MACROD2: variants seen among roughly 807,000 people sequenced by gnomAD.
MACROD2 encodes ADP-ribose glycohydrolase MACROD2.
MACROD2 carries 36 observed loss-of-function variants against 70.4 expected under a neutral mutation model. That is an observed-to-expected ratio of 0.51 (90% CI 0.39 to 0.68). The LOEUF (loss-of-function observed/expected upper bound fraction) is 0.68. MACROD2 is among the 30% of genes least tolerant of loss of function. The pLI is 0.00. For synonymous variants in MACROD2, 172 were observed against 178.8 expected, an observed-to-expected ratio of 0.96 and a Z score of 0.30; for missense variants, 496 against 538.4, an observed-to-expected ratio of 0.92 and a Z score of 0.78.
intron 8 of MACROD2, among the ~76,000 whole-genome samples, chr20:15,749,687 G>A (rs1265498526): frequency 6.6e-6 from 1 of 152,044 alleles, no homozygotes; most frequent in Non-Finnish European, 1.5e-5. Context: ...AGGAAAATCA[G>A]CTGTTACCTG....
chr20:14,781,016 A>G (rs561691239), intron 5 of MACROD2, among the ~76,000 whole-genome samples: 2 of 152,294 alleles, frequency 1.3e-5, no homozygotes, highest in Admixed American at 6.5e-5. Flanking sequence ...TAGCATATCT[A>G]TCACTTCAAA....
chr20:15,399,633 C>T (rs932353011), intron 6 of MACROD2, among the ~76,000 whole-genome samples: 1 of 152,222 alleles, frequency 6.6e-6, no homozygotes, highest in Non-Finnish European at 1.5e-5. Context: ...AATGATGGCA[C>T]TCTTCTTTCT....
intron 3 of MACROD2, among the ~76,000 whole-genome samples, chr20:14,220,490 C>A (rs1486558677): frequency 2.6e-5 from 4 of 152,168 alleles, no homozygotes; most frequent in Non-Finnish European, 5.9e-5. Context: ...CTTGGTTCTT[C>A]CCCTGCCTGT....
intron 5 of MACROD2, among the ~76,000 whole-genome samples, chr20:15,044,285 C>T (rs978156944): frequency 6.6e-6 from 1 of 152,174 alleles, no homozygotes; most frequent in Admixed American, 6.5e-5. Flanking sequence ...TCTTCTTACT[C>T]CTATCACTCA....
intron 5 of MACROD2, among the ~76,000 whole-genome samples, chr20:15,072,908 TG>T (rs1253595318): frequency 1.3e-5 from 2 of 152,106 alleles, no homozygotes; most frequent in East Asian, 3.9e-4. Flanking sequence ...AAAAGGTGTT[TG>T]GGTCATGGGG....
chr20:14,096,876 A>T (rs2054234702), intron 3 of MACROD2, among the ~76,000 whole-genome samples: 1 of 152,250 alleles, frequency 6.6e-6, no homozygotes, highest in Admixed American at 6.5e-5. Context: ...AACTTTGCCC[A>T]TGGGAAGTTT....
At chr20:15,178,853 A>G (rs996114299) in intron 5 of MACROD2, among the ~76,000 whole-genome samples, 1 of 152,228 alleles carries the variant, frequency 6.6e-6, no homozygotes, top group African/African-American at 2.4e-5. Flanking sequence ...ATGCTTTTCC[A>G]TGGCTCTCTA....
At chr20:15,516,578 A>G (rs1186923434) in intron 8 of MACROD2, among the ~76,000 whole-genome samples, 3 of 151,772 alleles carry the variant, frequency 2.0e-5, no homozygotes, top group Non-Finnish European at 4.4e-5. Context: ...GTCAAGGAAG[A>G]CTCTGGGTGC....
chr20:15,147,779 G>A (rs2076241332), intron 5 of MACROD2, among the ~76,000 whole-genome samples: 1 of 152,074 alleles, frequency 6.6e-6, no homozygotes, highest in East Asian at 1.9e-4. Flanking sequence ...CAGGCGGGCT[G>A]AGTCTGAAAA....
chr20:14,454,307 A>G (rs1016378286), intron 3 of MACROD2, among the ~76,000 whole-genome samples: 1 of 151,814 alleles, frequency 6.6e-6, no homozygotes, highest in African/African-American at 2.4e-5. Flanking sequence ...CATAGTAAAT[A>G]TATTACTCCT....
intron 8 of MACROD2, among the ~76,000 whole-genome samples, chr20:15,529,497 G>T (rs2047767503): frequency 1.3e-5 from 2 of 151,916 alleles, no homozygotes; most frequent in Non-Finnish European, 2.9e-5. Context: ...TCTATGTAAA[G>T]ATCTTCCTTT....
At chr20:15,772,099 AAAATATAT>A (rs1248931911) in intron 8 of MACROD2, among the ~76,000 whole-genome samples, 7 of 91,306 alleles carry the variant, frequency 7.7e-5, no homozygotes, top group African/African-American at 3.9e-4. Context: ...AAAAAAAAAA[AAAATATAT>A]ATATATATAT....
chr20:15,718,460 G>T (rs1161585921), intron 8 of MACROD2, among the ~76,000 whole-genome samples: 1 of 152,222 alleles, frequency 6.6e-6, no homozygotes, highest in East Asian at 1.9e-4. Context: ...CCGAGGACAT[G>T]AAGTTATTTT....
intron 10 of MACROD2, among the ~76,000 whole-genome samples, chr20:15,888,444 C>A (rs2064848644): frequency 6.6e-6 from 1 of 152,104 alleles, no homozygotes; most frequent in East Asian, 1.9e-4. Flanking sequence ...GTATAAGGGC[C>A]TTATCTCGCC....
At chr20:14,248,792 T>C (rs1259129870) in intron 3 of MACROD2, among the ~76,000 whole-genome samples, 1 of 152,126 alleles carries the variant, frequency 6.6e-6, no homozygotes, top group Non-Finnish European at 1.5e-5. Flanking sequence ...ACCTAAGGGA[T>C]ACTCAACCCA....
chr20:15,284,570 T>C (rs976381240), intron 6 of MACROD2, among the ~76,000 whole-genome samples: 8 of 152,212 alleles, frequency 5.3e-5, no homozygotes, highest in Admixed American at 2.6e-4. Context: ...AATGTCATCT[T>C]TTCCCCTGTG....
At chr20:15,479,417 C>T (rs60578207) in intron 7 of MACROD2, among the ~76,000 whole-genome samples, 16,639 of 149,958 alleles carry the variant, frequency 0.11, 1,388 homozygotes, top group East Asian at 0.24. Context: ...GGACTACAGG[C>T]GCCCGCCACT....
At chr20:15,589,164 A>G (rs1489409612) in intron 8 of MACROD2, among the ~76,000 whole-genome samples, 3 of 152,164 alleles carry the variant, frequency 2.0e-5, no homozygotes, top group Non-Finnish European at 4.4e-5. Context: ...AGAAACCCCT[A>G]ATAAAACCAT....
chr20:14,921,622 G>A (rs927524586), intron 5 of MACROD2, among the ~76,000 whole-genome samples: 12 of 152,178 alleles, frequency 7.9e-5, no homozygotes, highest in Non-Finnish European at 1.5e-4. Context: ...CCAGCTGTTA[G>A]GATATATGCT....
Sources: allele counts gnomAD v4.1 joint callset (sites outside exome capture counted in the v4.1 genomes callset), GRCh38; gene constraint gnomAD v4.1.1; transcripts MANE v1.5; gene names NCBI Gene and HGNC (gene_info 2026-07-23, HGNC 2026-07-21).